Variants in C1orf21 observed in about 807,000 individuals in gnomAD.
C1orf21 encodes chromosome 1 open reading frame 21, also known as uncharacterized protein C1orf21.
C1orf21 carries 3 observed loss-of-function variants against 18.7 expected under a neutral mutation model. That is an observed-to-expected ratio of 0.16 (90% confidence interval 0.07 to 0.42). The LOEUF is 0.42. Among genes scored for constraint, C1orf21 ranks in the 10% least tolerant of loss-of-function variants. The pLI is 0.99. For missense variants in C1orf21, 104 were observed against 143.6 expected (o/e 0.72, Z 1.41); for synonymous variants, 41 against 46.4 (o/e 0.88, Z 0.47).
chr1:184,539,028 T>A (rs1057248035), intron 3 of C1orf21, among the ~76,000 whole-genome samples: 1 of 152,226 alleles, frequency 6.6e-6, no homozygotes, highest in Non-Finnish European at 1.5e-5. Context: ...GAACTTCCAG[T>A]TCCATGTTGA....
rs1438740625 is a variant in C1orf21, at chr1:184,387,733, C to G, written c.-125+365C>G. On this transcript the variant is annotated intron_variant, in intron 1 of 5. Transcript: ENST00000235307. The surrounding 1 kb of genome is among the most constrained non-coding windows in gnomAD (Gnocchi z 5.6). ...CCCTTCCCACCCGCACCCTGCCGCC[C>G]TCAGCCTTCCTGCTCTCCTCTAGCT... Among the ~76,000 whole-genome samples, 3 of 152,220 alleles carry G rather than the reference C, an allele frequency of 2.0e-5. No homozygotes were observed. Among genetic ancestry groups the G allele is most frequent in the Admixed American group, 1.3e-4 (2 of 15,284 alleles).
In C1orf21 at chr1:184,617,910, T is replaced by C. The variant is rs866055995; in HGVS notation, c.328-1608T>C. On this transcript the variant is annotated intron_variant, in intron 5 of 5. Coordinates refer to ENST00000235307, the MANE Select transcript of C1orf21 (RefSeq NM_030806.4). The stretch of plus-strand genomic sequence containing the variant: ...GTGGCAGTTTGTTGTTGTTGTTTTT[T>C]TTTTTTTTTTTTTTTTTGAGATAGA... Among the ~76,000 whole-genome samples the C allele has an allele frequency of 2.1e-5, 3 of 143,168 alleles. No individual in the cohort carries two copies. In the East Asian group the frequency reaches 6.0e-4, roughly 29 times the overall value. 93.9% of individuals were successfully genotyped at this position (143,168 alleles called of 152,430 possible). A position where few individuals can be genotyped will look rare whatever the true frequency, so the allele number is the denominator to read the frequency against.
chr1:184,530,935 G>T (rs1658453874), intron 3 of C1orf21, among the ~76,000 whole-genome samples: 1 of 151,936 alleles, frequency 6.6e-6, no homozygotes, highest in Non-Finnish European at 1.5e-5. Context: ...GAAACATTTT[G>T]GGATACCTAC....
chr1:184,526,862 C>T (rs1038420171), intron 3 of C1orf21, among the ~76,000 whole-genome samples: 2 of 152,178 alleles, frequency 1.3e-5, no homozygotes, highest in African/African-American at 2.4e-5. Context: ...TACCTGCCAG[C>T]TACTGTCCTT....
At chr1:184,549,808 C>G (rs1205570184) in intron 3 of C1orf21, among the ~76,000 whole-genome samples, 2 of 151,858 alleles carry the variant, frequency 1.3e-5, no homozygotes, top group African/African-American at 2.4e-5. Flanking sequence ...TTTATGTATA[C>G]AAATAATATA....
intron 4 of C1orf21, among the ~76,000 whole-genome samples, chr1:184,592,636 A>G (rs1659455343): frequency 1.3e-5 from 2 of 152,178 alleles, no homozygotes; most frequent in African/African-American, 4.8e-5. Context: ...CCCCAACCCA[A>G]AATAAATTTG....
At chr1:184,606,391 C>T (rs1020658740) in intron 5 of C1orf21, among the ~76,000 whole-genome samples, 2 of 152,070 alleles carry the variant, frequency 1.3e-5, no homozygotes, top group East Asian at 3.8e-4. Flanking sequence ...GCCTGGGCAA[C>T]ATTGCAAGAC....
At chr1:184,456,520 A>G (rs1407563048) in intron 1 of C1orf21, among the ~76,000 whole-genome samples, 1 of 152,218 alleles carries the variant, frequency 6.6e-6, no homozygotes, top group Admixed American at 6.5e-5. Flanking sequence ...CAGAAAGGTT[A>G]TGATATGTTT....
chr1:184,538,740 A>G (rs9970984), intron 3 of C1orf21, among the ~76,000 whole-genome samples: 80,364 of 151,996 alleles, frequency 0.53, 21,755 homozygotes, highest in African/African-American at 0.67. Context: ...GGTCTTGGCA[A>G]CCTTGTCAAA....
At position 184,477,622 on chromosome 1, in the gene C1orf21, G is replaced by C; in HGVS notation, c.94+19G>C. ...TTTGGCGGTGAGTCCTATCAAACTTGACTCTTGACCCATTGATTCTAGGCC... is the reference window on the plus strand; with the variant it reads ...TTTGGCGGTGAGTCCTATCAAACTTCACTCTTGACCCATTGATTCTAGGCC... On this transcript the variant is annotated intron_variant, in intron 2 of 5. Transcript: ENST00000235307. 6.2e-7 allele frequency: 1 copy of C among 1,603,630 alleles called. No homozygotes were observed. The highest frequency in any genetic ancestry group is 8.5e-7 in the Non-Finnish European group (1 of 1,171,120).
chr1:184,524,383 G>A (rs2101970518), intron 3 of C1orf21, among the ~76,000 whole-genome samples: 1 of 152,186 alleles, frequency 6.6e-6, no homozygotes, highest in Non-Finnish European at 1.5e-5. Context: ...CCTTCATGGA[G>A]AATTCCTAAG....
chr1:184,590,187 A>G (rs1233273822), intron 3 of C1orf21, among the ~76,000 whole-genome samples: 1 of 152,256 alleles, frequency 6.6e-6, no homozygotes, highest in East Asian at 1.9e-4. Flanking sequence ...AAATTAGGTC[A>G]GGCTAAAAGC....
chr1:184,416,521 A>C (rs189184408), intron 1 of C1orf21, among the ~76,000 whole-genome samples: 2 of 152,052 alleles, frequency 1.3e-5, no homozygotes, highest in East Asian at 1.9e-4. Context: ...GCTTAAAATT[A>C]AAAAAAAGCA....
chr1:184,426,506 C>T (rs1345094356), intron 1 of C1orf21, among the ~76,000 whole-genome samples: 2 of 152,192 alleles, frequency 1.3e-5, no homozygotes, highest in African/African-American at 2.4e-5. Flanking sequence ...TTCATCCCCA[C>T]AGGTTGTCTT....
intron 1 of C1orf21, among the ~76,000 whole-genome samples, chr1:184,448,670 A>G (rs1366871101): frequency 1.3e-5 from 2 of 152,138 alleles, no homozygotes; most frequent in African/African-American, 4.8e-5. Flanking sequence ...CTAGGTGTGT[A>G]GGCACTACCT....
chr1:184,516,947 G>A (rs1260469815), intron 3 of C1orf21, among the ~76,000 whole-genome samples: 1 of 152,200 alleles, frequency 6.6e-6, no homozygotes, highest in Non-Finnish European at 1.5e-5. Flanking sequence ...GTGAAAACTG[G>A]GAAGTGGCCC....
intron 1 of C1orf21, among the ~76,000 whole-genome samples, chr1:184,445,947 C>T (rs1194283060): frequency 6.6e-6 from 1 of 152,008 alleles, no homozygotes; most frequent in Non-Finnish European, 1.5e-5. Flanking sequence ...ATTGTATGGA[C>T]CCTGTGTTTA....
At chr1:184,390,454 G>A (rs1256072846) in intron 1 of C1orf21, among the ~76,000 whole-genome samples, 1 of 152,180 alleles carries the variant, frequency 6.6e-6, no homozygotes, top group East Asian at 1.9e-4. Context: ...TAATTTGTAT[G>A]TGAAAGTTGA....
At chr1:184,565,506 C>T (rs1057390824) in intron 3 of C1orf21, among the ~76,000 whole-genome samples, 1 of 152,220 alleles carries the variant, frequency 6.6e-6, no homozygotes, top group African/African-American at 2.4e-5. Context: ...CTTTTCTGAA[C>T]ACTGGTGCTT....
Sources: allele counts gnomAD v4.1 joint callset (sites outside exome capture counted in the v4.1 genomes callset), GRCh38; gene constraint gnomAD v4.1.1; non-coding constraint Gnocchi (gnomAD v3.1); transcripts MANE v1.5; gene names NCBI Gene and HGNC (gene_info 2026-07-23, HGNC 2026-07-21).